The following RPTOR variants were observed in gnomAD, a reference collection of about 807,000 sequenced individuals.
RPTOR encodes regulatory-associated protein of mTOR.
RPTOR carries 21 observed loss-of-function variants against 169.9 expected under a neutral mutation model. The observed-to-expected ratio is 0.12, with a 90% CI of 0.09 to 0.18. The LOEUF is 0.18. Ranked by LOEUF, RPTOR falls within the 10% of genes least tolerant of loss-of-function variation. The probability of loss-of-function intolerance (pLI) is 1.00; values close to 1 mark genes in which losing one functional copy is unlikely to be tolerated. For synonymous variants in RPTOR, 732 were observed against 753.2 expected (o/e 0.97, Z 0.46); for missense variants, 1,133 against 1,855.9 (o/e 0.61, Z 7.16).
At chr17:80,768,024 T>C (rs2066804912) in intron 6 of RPTOR, among the ~76,000 whole-genome samples, 1 of 152,132 alleles carries the variant, frequency 6.6e-6, no homozygotes, top group Admixed American at 6.5e-5. Context: ...ACACCATGCC[T>C]GGCTAATTTT....
intron 3 of RPTOR, among the ~76,000 whole-genome samples, chr17:80,653,908 G>A (rs535228318): frequency 2.0e-5 from 3 of 152,358 alleles, no homozygotes; most frequent in African/African-American, 7.2e-5. Flanking sequence ...TTCAGCTTCA[G>A]CTCTCTGCCC....
intron 1 of RPTOR, chr17:80,602,873 G>A (rs753763533): frequency 4.1e-6 from 2 of 491,888 alleles, no homozygotes; most frequent in Non-Finnish European, 7.5e-6. Context: ...TCACCACCTC[G>A]CTGATTGCAG....
chr17:80,613,124 G>C (rs1330897967), intron 1 of RPTOR, among the ~76,000 whole-genome samples: 1 of 152,102 alleles, frequency 6.6e-6, no homozygotes, highest in Non-Finnish European at 1.5e-5. Flanking sequence ...TCCTGTCCGA[G>C]AGTCCTGCTG....
chr17:80,707,742 A>G lies in RPTOR; in HGVS notation c.349-99A>G, dbSNP rs1259075520. ...CTCAGAGCCATGTGTCCAGGACCAC[A>G]CAGCTATTAACTGCAAACCCAGAGG... On this transcript the variant is annotated intron_variant, in intron 3 of 33. Coordinates refer to ENST00000306801, the MANE Select transcript of RPTOR (RefSeq NM_020761.3). The surrounding 1 kb of genome is among the most constrained non-coding windows in gnomAD (Gnocchi z 5.0). 1.7e-6 allele frequency: 2 copies of G among 1,165,262 alleles called. No homozygotes were observed. The highest frequency in any genetic ancestry group is 2.4e-6 in the Non-Finnish European group (2 of 821,036). The allele number at this position is 1,165,262 out of a possible 1,614,324, so 72.2% of individuals were successfully genotyped here.
intron 28 of RPTOR, among the ~76,000 whole-genome samples, chr17:80,952,664 CTGTT>C (rs1175099408): frequency 6.6e-6 from 1 of 152,096 alleles, no homozygotes; most frequent in African/African-American, 2.4e-5. Context: ...CCTTTTCCCT[CTGTT>C]TGTTCTGCTC....
intron 20 of RPTOR, among the ~76,000 whole-genome samples, chr17:80,901,935 G>A (rs991332811): frequency 2.0e-5 from 3 of 152,106 alleles, no homozygotes; most frequent in South Asian, 2.1e-4. Flanking sequence ...TCCTTTGATC[G>A]CTGATGGAGC....
chr17:80,947,315 A>G lies in RPTOR; in HGVS notation c.3229A>G (p.Asn1077Asp). 6.2e-7 allele frequency: 1 copy of G among 1,600,880 alleles called. No individual in the cohort carries two copies. Among genetic ancestry groups the G allele is most frequent in the Non-Finnish European group, 8.5e-7 (1 of 1,174,738 alleles). The stretch of plus-strand genomic sequence containing the variant: ...GAGGGTCACTGCCATGGAGTATCTG[A>G]ACGGCCAGGACTGCTCGCTTCTGCT... ...YTRVTAMEYL[N>D]GQDCSLLLTA... The change falls in exon 27 of 34, where the codon AAC becomes GAC. Residue 1077 changes from asparagine (N) to aspartate (D), a missense_variant. Asn to Asp is a conservative substitution (Grantham distance 23, BLOSUM62 1). Around this residue, in one of 9 missense-constraint regions of RPTOR, gnomAD observed 410 missense variants for 623.7 expected, o/e 0.66. Transcript: ENST00000306801. This position sits in a 1 kb window ranked among gnomAD's most constrained non-coding sequence, Gnocchi z 4.4.
chr17:80,575,874 GC>G, intron 1 of RPTOR, among the ~76,000 whole-genome samples: 1 of 152,136 alleles, frequency 6.6e-6, no homozygotes, highest in Admixed American at 6.5e-5. Flanking sequence ...AGAATTCTCT[GC>G]CCATTTGTGC....
Position 80,922,743 on chromosome 17 carries a change from CGCA to C in RPTOR, c.2543_2545del (p.Gln848del). On this transcript the variant is annotated inframe_deletion, in exon 22 of 34. Coordinates refer to ENST00000306801, the MANE Select transcript of RPTOR (RefSeq NM_020761.3). Reference sequence around the variant, plus strand: ...CCCTAGGCCACCGTGAACGCCCGGCCGCAGCGCGTCCTGGACACCTCCTCCCTC... The same window carrying C: ...CCCTAGGCCACCGTGAACGCCCGGCCGCGCGTCCTGGACACCTCCTCCCTC... 1 of 1,588,482 alleles carries C rather than the reference CGCA, an allele frequency of 6.3e-7. No individual in the cohort carries two copies. The highest frequency in any genetic ancestry group is 8.5e-7 in the Non-Finnish European group (1 of 1,171,308).
chr17:80,605,107 C>G (rs897927867), intron 1 of RPTOR, among the ~76,000 whole-genome samples: 3 of 152,138 alleles, frequency 2.0e-5, no homozygotes, highest in Admixed American at 6.5e-5. Context: ...ACGGTTAAGA[C>G]GATCCATGTC....
At chr17:80,581,308 C>G (rs974560077) in intron 1 of RPTOR, among the ~76,000 whole-genome samples, 13 of 152,228 alleles carry the variant, frequency 8.5e-5, no homozygotes, top group African/African-American at 3.1e-4. Flanking sequence ...CCTTCCTTCC[C>G]CCTTTATTTG....
intron 1 of RPTOR, among the ~76,000 whole-genome samples, chr17:80,549,946 A>G (rs559123384): frequency 5.3e-5 from 8 of 152,346 alleles, no homozygotes; most frequent in Non-Finnish European, 1.0e-4. Flanking sequence ...GGTTAGATGA[A>G]GAAGGCTATT....
chr17:80,782,632 C>T (rs1224144942), intron 6 of RPTOR, among the ~76,000 whole-genome samples: 1 of 152,120 alleles, frequency 6.6e-6, no homozygotes, highest in African/African-American at 2.4e-5. Flanking sequence ...TCCTCAGCAC[C>T]GCAGTCGTGG....
intron 6 of RPTOR, among the ~76,000 whole-genome samples, chr17:80,780,861 G>A (rs2066935224): frequency 6.6e-6 from 1 of 152,076 alleles, no homozygotes; most frequent in South Asian, 2.1e-4. Flanking sequence ...TTTTCTTCCT[G>A]ATTTCCCTAA....
intron 7 of RPTOR, among the ~76,000 whole-genome samples, chr17:80,817,039 G>A (rs569356615): frequency 4.7e-4 from 72 of 152,338 alleles, no homozygotes; most frequent in African/African-American, 1.5e-3. Context: ...CCTGCCTGGC[G>A]TGGGCATTGG....
At chr17:80,681,243 G>T (rs752561043) in intron 3 of RPTOR, among the ~76,000 whole-genome samples, 2 of 152,096 alleles carry the variant, frequency 1.3e-5, no homozygotes, top group African/African-American at 2.4e-5. Context: ...TATTCAGATC[G>T]ATAACTCCTA....
chr17:80,942,348 G>A (rs977485283), intron 25 of RPTOR, among the ~76,000 whole-genome samples: 1 of 150,362 alleles, frequency 6.7e-6, no homozygotes, highest in African/African-American at 2.5e-5. Context: ...GGAGCCTGTG[G>A]TCAGAATTGA....
At chr17:80,778,343 C>G (rs1430025768) in intron 6 of RPTOR, among the ~76,000 whole-genome samples, 1 of 152,176 alleles carries the variant, frequency 6.6e-6, no homozygotes, top group African/African-American at 2.4e-5. Flanking sequence ...GAATGCAACC[C>G]AGGAGCTCTG....
chr17:80,938,917 G>A (rs1489105184), intron 24 of RPTOR, among the ~76,000 whole-genome samples: 4 of 152,122 alleles, frequency 2.6e-5, no homozygotes, highest in Admixed American at 1.3e-4. Flanking sequence ...TACAACGACC[G>A]CCTAAAACTC....
Sources: allele counts gnomAD v4.1 joint callset (sites outside exome capture counted in the v4.1 genomes callset), GRCh38; gene constraint gnomAD v4.1.1; regional missense constraint gnomAD v4.1.1; non-coding constraint Gnocchi (gnomAD v3.1); transcripts MANE v1.5; gene names NCBI Gene and HGNC (gene_info 2026-07-23, HGNC 2026-07-21).